The following TBC1D22A variants were observed in gnomAD, a reference collection of about 807,000 sequenced individuals.
The protein encoded by TBC1D22A is TBC1 domain family member 22A.
A neutral mutation model predicts 60.2 loss-of-function variants in TBC1D22A; 38 were observed. The observed-to-expected ratio is 0.63, with a 90% CI of 0.49 to 0.83. The LOEUF (loss-of-function observed/expected upper bound fraction) is 0.83. Ranked by LOEUF, TBC1D22A falls within the 40% of genes least tolerant of loss-of-function variation. TBC1D22A has a pLI of 0.00. For synonymous variants in TBC1D22A, 302 were observed against 281.7 expected (o/e 1.07, Z -0.72); for missense variants, 628 against 701.0 (o/e 0.90, Z 1.18).
intron 9 of TBC1D22A, among the ~76,000 whole-genome samples, chr22:46,991,414 T>G (rs1314396040): frequency 1.3e-5 from 2 of 152,094 alleles, no homozygotes; most frequent in African/African-American, 4.8e-5. Flanking sequence ...CAATCAAGAT[T>G]CAGAATGGGT....
chr22:46,979,044 C>T (rs988401736), intron 9 of TBC1D22A, among the ~76,000 whole-genome samples: 25 of 152,174 alleles, frequency 1.6e-4, no homozygotes, highest in African/African-American at 6.0e-4. Context: ...GAATGTTTTA[C>T]ACTCAGTTAC....
At chr22:46,813,903 T>C (rs531886537) in intron 4 of TBC1D22A, among the ~76,000 whole-genome samples, 183 of 152,286 alleles carry the variant, frequency 1.2e-3, no homozygotes, top group African/African-American at 4.3e-3. Context: ...CAGACAGTAT[T>C]TGGGAAAGTG....
At chr22:46,957,106 C>T (rs76897232) in intron 8 of TBC1D22A, among the ~76,000 whole-genome samples, 21 of 152,324 alleles carry the variant, frequency 1.4e-4, no homozygotes, top group African/African-American at 3.4e-4. Context: ...GAGAGGGACG[C>T]GGTCTCCACC....
chr22:47,089,816 A>G (rs1009283695), intron 11 of TBC1D22A, among the ~76,000 whole-genome samples: 7 of 152,118 alleles, frequency 4.6e-5, no homozygotes, highest in African/African-American at 1.2e-4. Context: ...TTTTTGTTCA[A>G]ATTGGTTCAA....
At chr22:47,067,482 G>A (rs2063814783) in intron 11 of TBC1D22A, among the ~76,000 whole-genome samples, 1 of 152,214 alleles carries the variant, frequency 6.6e-6, no homozygotes, top group South Asian at 2.1e-4. Flanking sequence ...GGACAGAGGT[G>A]GGCCTTCCAC....
chr22:46,842,375 A>G (rs953239341), intron 4 of TBC1D22A, among the ~76,000 whole-genome samples: 1 of 152,244 alleles, frequency 6.6e-6, no homozygotes, highest in Non-Finnish European at 1.5e-5. Flanking sequence ...TCAAACATGG[A>G]GAAAAGCTGA....
In TBC1D22A at chr22:46,912,133, G is replaced by A; in HGVS notation, c.960G>A (p.Gln320=). ...AIRHPASGYV[Q]GINDLVTPFF... is the part of the protein sequence containing the mutation. ...GCCACCCAGCCAGTGGATACGTTCA[G>A]GGTATAAATGATCTCGTCACTCCTT... Residue 320 remains glutamine, a synonymous_variant, in exon 8 of 13, where the codon CAG becomes CAA. Transcript: ENST00000337137. 5 of 1,614,088 alleles carry A rather than the reference G, an allele frequency of 3.1e-6. No homozygotes were observed. Among genetic ancestry groups the A allele is most frequent in the Non-Finnish European group, 4.2e-6 (5 of 1,179,990 alleles).
At chr22:47,041,832 A>T (rs5769299) in intron 11 of TBC1D22A, among the ~76,000 whole-genome samples, 98,038 of 152,152 alleles carry the variant, frequency 0.64, 32,601 homozygotes, top group East Asian at 0.92. Flanking sequence ...TCTGCTGTTG[A>T]AGCACAGAAG....
chr22:47,023,597 C>T (rs2062158327), intron 10 of TBC1D22A, among the ~76,000 whole-genome samples: 1 of 152,132 alleles, frequency 6.6e-6, no homozygotes, highest in Admixed American at 6.6e-5. Context: ...TCAGAAGCAT[C>T]CAGAGGAGAA....
intron 1 of TBC1D22A, chr22:46,789,476 G>A: frequency 2.8e-6 from 1 of 354,456 alleles, no homozygotes; most frequent in Non-Finnish European, 6.2e-6. Flanking sequence ...GCTTTTGTGA[G>A]TAAACTGTAA....
At chr22:46,771,655 C>T (rs953306610) in intron 1 of TBC1D22A, among the ~76,000 whole-genome samples, 2 of 150,748 alleles carry the variant, frequency 1.3e-5, no homozygotes, top group African/African-American at 2.4e-5. Context: ...AGTGGAGTGG[C>T]GCGATCTCAG....
chr22:47,157,388 ATC>A (rs2067766352), intron 12 of TBC1D22A, among the ~76,000 whole-genome samples: 1 of 152,110 alleles, frequency 6.6e-6, no homozygotes, highest in South Asian at 2.1e-4. Flanking sequence ...CGCACACGTT[ATC>A]TCTCATTATT....
chr22:46,791,195 A>G (rs1299827563), intron 1 of TBC1D22A, among the ~76,000 whole-genome samples: 1 of 151,960 alleles, frequency 6.6e-6, no homozygotes, highest in Non-Finnish European at 1.5e-5. Context: ...ATTTTTTTGT[A>G]TTTTTTTGTG....
At chr22:47,117,601 C>T (rs1221644494) in intron 12 of TBC1D22A, among the ~76,000 whole-genome samples, 1 of 152,056 alleles carries the variant, frequency 6.6e-6, no homozygotes. Flanking sequence ...ACACCTTGGC[C>T]TTCTCCCAAC....
intron 4 of TBC1D22A, among the ~76,000 whole-genome samples, chr22:46,812,304 G>A (rs2085411117): frequency 6.6e-6 from 1 of 152,168 alleles, no homozygotes; most frequent in South Asian, 2.1e-4. Flanking sequence ...CTCGTTCCCT[G>A]GCACCAGCGC....
chr22:46,953,319 C>G (rs1330558481), intron 8 of TBC1D22A, among the ~76,000 whole-genome samples: 2 of 152,194 alleles, frequency 1.3e-5, no homozygotes, highest in African/African-American at 2.4e-5. Context: ...GACACACTCT[C>G]ATCTGTGTGT....
chr22:47,027,399 G>A (rs890940131), intron 10 of TBC1D22A, among the ~76,000 whole-genome samples: 1 of 152,118 alleles, frequency 6.6e-6, no homozygotes, highest in Middle Eastern at 3.2e-3. Context: ...AAGTTCTTTA[G>A]TGGTGATTGG....
At chr22:46,764,946 T>C (rs2083234919) in intron 1 of TBC1D22A, among the ~76,000 whole-genome samples, 1 of 152,196 alleles carries the variant, frequency 6.6e-6, no homozygotes, top group South Asian at 2.1e-4. Context: ...TGTTAAGCCA[T>C]TCAGTTGGTG....
intron 5 of TBC1D22A, among the ~76,000 whole-genome samples, chr22:46,888,337 G>T (rs1169275957): frequency 6.6e-6 from 1 of 152,224 alleles, no homozygotes; most frequent in Admixed American, 6.5e-5. Flanking sequence ...GGCTCTGTTC[G>T]AGCAAGGATG....
Sources: gnomAD v4.1 joint callset for allele counts (sites outside exome capture counted in the v4.1 genomes callset) on GRCh38, gnomAD v4.1.1 for gene constraint, MANE v1.5 for transcripts, NCBI Gene and HGNC (gene_info 2026-07-23, HGNC 2026-07-21) for gene names.